The following MEF2C variants were observed in gnomAD, a reference collection of about 807,000 sequenced individuals.
The protein encoded by MEF2C is myocyte enhancer factor 2C.
In MEF2C, 6 loss-of-function variants were observed where a neutral mutation model predicts 50.5. The observed-to-expected ratio is 0.12, with a 90% confidence interval of 0.07 to 0.23. The LOEUF (loss-of-function observed/expected upper bound fraction) is 0.23. MEF2C is among the 10% of genes least tolerant of loss of function. The pLI, the probability that MEF2C is intolerant of heterozygous loss-of-function variation, is 1.00. For missense variants in MEF2C, 276 were observed against 605.0 expected (o/e 0.46, Z 5.70); for synonymous variants, 183 against 228.0 (o/e 0.80, Z 1.78).
At chr5:88,739,909 T>A (rs1284284686) in intron 6 of MEF2C, 1 of 985,136 alleles carries the variant, frequency 1.0e-6, no homozygotes, top group Non-Finnish European at 1.2e-6. Flanking sequence ...TAATTAGGGA[T>A]TCTTACACAC....
At chr5:88,824,170 A>G in intron 1 of MEF2C, 16 of 951,300 alleles carry the variant, frequency 1.7e-5, no homozygotes, top group Non-Finnish European at 2.0e-5. Context: ...AATGATGCAA[A>G]CTATGCTTTT....
chr5:88,838,997 C>T (rs1427724460), intron 1 of MEF2C, among the ~76,000 whole-genome samples: 2 of 152,132 alleles, frequency 1.3e-5, no homozygotes, highest in Non-Finnish European at 2.9e-5. Flanking sequence ...GAACAGCTGA[C>T]ATAATTGGCG....
intron 1 of MEF2C, among the ~76,000 whole-genome samples, chr5:88,855,345 T>C (rs1175061705): frequency 6.6e-6 from 1 of 152,192 alleles, no homozygotes; most frequent in Non-Finnish European, 1.5e-5. Context: ...TTTTTTTGAA[T>C]AGCACAACAT....
intron 3 of MEF2C, among the ~76,000 whole-genome samples, chr5:88,798,249 T>A (rs577647551): frequency 1.4e-4 from 21 of 152,318 alleles, no homozygotes; most frequent in Non-Finnish European, 2.2e-4. Flanking sequence ...CTTGGTTCCA[T>A]TCTCCCCATC....
At chr5:88,871,492 CAG>C (rs1829509685) in intron 1 of MEF2C, among the ~76,000 whole-genome samples, 1 of 151,954 alleles carries the variant, frequency 6.6e-6, no homozygotes, top group South Asian at 2.1e-4. Context: ...GGCATTAAAA[CAG>C]AGTTAGAAAA....
intron 2 of MEF2C, among the ~76,000 whole-genome samples, chr5:88,807,143 A>G (rs1800817830): frequency 6.6e-6 from 1 of 152,204 alleles, no homozygotes. Context: ...TAGAAAGCAA[A>G]GAACATAGGG....
At chr5:88,741,888 G>T in intron 6 of MEF2C, 2 of 985,264 alleles carry the variant, frequency 2.0e-6, no homozygotes, top group South Asian at 4.7e-5. Context: ...CCTTTTGGAC[G>T]TATCAGTTGG....
chr5:88,733,047 C>G (rs997650463), intron 6 of MEF2C: 1 of 980,520 alleles, frequency 1.0e-6, no homozygotes, highest in Non-Finnish European at 1.2e-6. Flanking sequence ...AATACATACT[C>G]ATGGAAAACA....
intron 6 of MEF2C, chr5:88,739,573 A>G (rs1765611024): frequency 3.0e-6 from 3 of 985,050 alleles, no homozygotes; most frequent in Non-Finnish European, 3.6e-6. Flanking sequence ...TGCTCATACA[A>G]TCCCCTACTC....
At chr5:88,793,500 A>G (rs1312640473) in intron 3 of MEF2C, among the ~76,000 whole-genome samples, 1 of 152,200 alleles carries the variant, frequency 6.6e-6, no homozygotes, top group Non-Finnish European at 1.5e-5. Flanking sequence ...CATATAACAC[A>G]GAGCAGGAAT....
intron 6 of MEF2C, chr5:88,733,592 A>T: frequency 1.0e-6 from 1 of 985,356 alleles, no homozygotes; most frequent in South Asian, 4.7e-5. Context: ...TTCAGGAGAT[A>T]TTTATGGGAA....
At chr5:88,752,812 A>G (rs1580112962) in intron 4 of MEF2C, 1 of 965,988 alleles carries the variant, frequency 1.0e-6, no homozygotes, top group Non-Finnish European at 1.2e-6. Flanking sequence ...TATTTTGTCA[A>G]TTTAAGCAAA....
Position 88,722,487 on chromosome 5 carries a change from A to AC in MEF2C, c.*116dup. The AC allele has an allele frequency of 3.4e-6, 3 of 885,720 alleles. No homozygotes were observed. The highest frequency in any genetic ancestry group is 5.2e-6 in the Non-Finnish European group (3 of 576,220). 54.9% of individuals were successfully genotyped at this position (885,720 alleles called of 1,614,324 possible). Reference sequence around the variant, plus strand: ...GTACTTTTACAAAACAGAGTACCTGACTTTTTTTTTTTCCACACACGGCAC... The same window carrying AC: ...GTACTTTTACAAAACAGAGTACCTGACCTTTTTTTTTTTCCACACACGGCAC... On this transcript the variant is annotated 3_prime_UTR_variant, in exon 11 of 11. Coordinates refer to ENST00000504921, the MANE Select transcript of MEF2C (RefSeq NM_002397.5).
intron 10 of MEF2C, among the ~76,000 whole-genome samples, chr5:88,724,634 T>G (rs1757839232): frequency 6.6e-6 from 1 of 152,156 alleles, no homozygotes; most frequent in African/African-American, 2.4e-5. Context: ...CTTATTAATT[T>G]ATAGTCTATC....
intron 1 of MEF2C, among the ~76,000 whole-genome samples, chr5:88,834,018 A>G (rs1194063430): frequency 1.3e-5 from 2 of 152,158 alleles, no homozygotes; most frequent in African/African-American, 4.8e-5. Flanking sequence ...TCTCAAAACT[A>G]TATCCTCCCT....
At chr5:88,846,395 A>C (rs1296576639) in intron 1 of MEF2C, among the ~76,000 whole-genome samples, 1 of 152,184 alleles carries the variant, frequency 6.6e-6, no homozygotes. Flanking sequence ...AAAGTGCTAC[A>C]AATATATGGC....
At chr5:88,874,394 A>T (rs1386579580) in intron 1 of MEF2C, among the ~76,000 whole-genome samples, 2 of 151,986 alleles carry the variant, frequency 1.3e-5, no homozygotes, top group Non-Finnish European at 2.9e-5. Context: ...GCATAGTTTT[A>T]ATTTGAATTT....
At chr5:88,885,340 ACAACTAGAT>A (rs1195442467), upstream of MEF2C, among the ~76,000 whole-genome samples, 1 of 152,232 alleles carries the variant, frequency 6.6e-6, no homozygotes, top group Non-Finnish European at 1.5e-5. Context: ...ATAGGCAAGT[ACAACTAGAT>A]CTGAACAATC....
intron 1 of MEF2C, among the ~76,000 whole-genome samples, chr5:88,831,989 T>C (rs562743684): frequency 3.3e-5 from 5 of 152,230 alleles, no homozygotes; most frequent in African/African-American, 1.2e-4. Context: ...AAGTTCTCTG[T>C]TTCATTCACA....
Sources: allele counts gnomAD v4.1 joint callset (sites outside exome capture counted in the v4.1 genomes callset), GRCh38; gene constraint gnomAD v4.1.1; transcripts MANE v1.5; gene names NCBI Gene and HGNC (gene_info 2026-07-23, HGNC 2026-07-21).